The following SKAP2 variants were observed in gnomAD, a reference collection of about 807,000 sequenced individuals.
SKAP2 encodes src kinase-associated phosphoprotein 2.
SKAP2 carries 28 observed loss-of-function variants against 54.9 expected under a neutral mutation model. That is an observed-to-expected ratio of 0.51 (90% CI 0.38 to 0.70). The LOEUF (loss-of-function observed/expected upper bound fraction) is 0.70. SKAP2 is among the 30% of genes least tolerant of loss of function. The pLI, the probability that SKAP2 is intolerant of heterozygous loss-of-function variation, is 0.00. For missense variants in SKAP2, 356 were observed against 424.1 expected, an observed-to-expected ratio of 0.84 and a Z score of 1.41; for synonymous variants, 137 against 134.3, an observed-to-expected ratio of 1.02 and a Z score of -0.14.
At chr7:26,800,536 TTA>T (rs1783890996) in intron 4 of SKAP2, among the ~76,000 whole-genome samples, 3 of 149,118 alleles carry the variant, frequency 2.0e-5, no homozygotes, top group Non-Finnish European at 3.0e-5. Flanking sequence ...AATTGAAATT[TTA>T]AAAAAATACA....
intron 4 of SKAP2, among the ~76,000 whole-genome samples, chr7:26,794,429 G>A (rs1341411473): frequency 6.6e-6 from 1 of 152,238 alleles, no homozygotes; most frequent in Non-Finnish European, 1.5e-5. Context: ...TGTCTATAAG[G>A]AACATCTGAG....
intron 9 of SKAP2, among the ~76,000 whole-genome samples, chr7:26,691,664 C>G (rs1037808484): frequency 6.6e-6 from 1 of 152,112 alleles, no homozygotes; most frequent in Non-Finnish European, 1.5e-5. Context: ...CTAAACCTGA[C>G]AAGTGATGCA....
chr7:26,786,347 T>C (rs1340741852), intron 4 of SKAP2, among the ~76,000 whole-genome samples: 1 of 152,134 alleles, frequency 6.6e-6, no homozygotes, highest in Non-Finnish European at 1.5e-5. Context: ...TACATTCTAG[T>C]GAGGAGAAAC....
intron 4 of SKAP2, among the ~76,000 whole-genome samples, chr7:26,745,794 C>G (rs1782548346): frequency 6.6e-6 from 1 of 152,098 alleles, no homozygotes; most frequent in Middle Eastern, 3.2e-3. Flanking sequence ...GTATTATAGG[C>G]ATGAGCCACC....
intron 9 of SKAP2, among the ~76,000 whole-genome samples, chr7:26,724,776 A>C (rs1787662120): frequency 6.6e-6 from 1 of 152,160 alleles, no homozygotes; most frequent in Non-Finnish European, 1.5e-5. Context: ...ATTGATCCTC[A>C]TGGCCGCAAG....
intron 4 of SKAP2, among the ~76,000 whole-genome samples, chr7:26,749,896 G>A (rs1782644629): frequency 6.6e-6 from 1 of 151,302 alleles, no homozygotes; most frequent in Non-Finnish European, 1.5e-5. Context: ...TCAGTGGCAT[G>A]ATTACAAATA....
chr7:26,671,892 AT>A (rs1184068204), intron 11 of SKAP2, among the ~76,000 whole-genome samples: 1 of 151,992 alleles, frequency 6.6e-6, no homozygotes, highest in African/African-American at 2.4e-5. Context: ...ACCCTTTTCT[AT>A]TTTTAAGGCA....
chr7:26,758,453 A>T (rs1444416083), intron 4 of SKAP2, among the ~76,000 whole-genome samples: 1 of 152,184 alleles, frequency 6.6e-6, no homozygotes, highest in African/African-American at 2.4e-5. Flanking sequence ...CCCAATATAT[A>T]TGAAGGTACT....
At chr7:26,796,086 T>G (rs1783771876) in intron 4 of SKAP2, among the ~76,000 whole-genome samples, 1 of 152,222 alleles carries the variant, frequency 6.6e-6, no homozygotes, top group African/African-American at 2.4e-5. Flanking sequence ...ATTTTATCAT[T>G]TACCACCATA....
At chr7:26,862,779 T>C (rs1047674239) in intron 1 of SKAP2, among the ~76,000 whole-genome samples, 6 of 152,112 alleles carry the variant, frequency 3.9e-5, no homozygotes, top group African/African-American at 1.2e-4. Context: ...CAAACTGTAC[T>C]ATGGGAGGTA....
intron 9 of SKAP2, 39 bp downstream of exon 9, chr7:26,725,389 G>T: frequency 6.8e-7 from 1 of 1,479,680 alleles, no homozygotes; most frequent in Non-Finnish European, 9.4e-7. Flanking sequence ...CACACACACA[G>T]CCCTAAAATC....
intron 4 of SKAP2, among the ~76,000 whole-genome samples, chr7:26,839,819 G>A (rs1447586283): frequency 1.3e-5 from 2 of 151,906 alleles, no homozygotes; most frequent in African/African-American, 4.8e-5. Flanking sequence ...TTTATGTTGT[G>A]CACACGGACA....
chr7:26,795,272 GA>G (rs1783751500), intron 4 of SKAP2, among the ~76,000 whole-genome samples: 1 of 152,150 alleles, frequency 6.6e-6, no homozygotes, highest in South Asian at 2.1e-4. Flanking sequence ...GGAAGAATGT[GA>G]AAGATCCAGA....
At chr7:26,688,399 G>A (rs1037136877) in intron 10 of SKAP2, among the ~76,000 whole-genome samples, 2 of 152,152 alleles carry the variant, frequency 1.3e-5, no homozygotes, top group African/African-American at 4.8e-5. Context: ...AGAAAAGTCT[G>A]TGGTGGGGGG....
intron 4 of SKAP2, among the ~76,000 whole-genome samples, chr7:26,795,242 T>C (rs1783750395): frequency 1.3e-5 from 2 of 152,216 alleles, no homozygotes; most frequent in Non-Finnish European, 2.9e-5. Flanking sequence ...TAAACTTCAG[T>C]AGTTATATAC....
At chr7:26,786,280 T>C (rs1783542687) in intron 4 of SKAP2, among the ~76,000 whole-genome samples, 1 of 152,238 alleles carries the variant, frequency 6.6e-6, no homozygotes, top group African/African-American at 2.4e-5. Context: ...TCCGCCATTC[T>C]ACAATTAGGG....
At chr7:26,797,522 C>T (rs764535360) in intron 4 of SKAP2, among the ~76,000 whole-genome samples, 1 of 152,152 alleles carries the variant, frequency 6.6e-6, no homozygotes, top group African/African-American at 2.4e-5. Context: ...GCTTAGATCA[C>T]AACACTCAAG....
chr7:26,844,035 G>A lies in SKAP2; in HGVS notation c.302C>T (p.Ser101Phe). 1 of 1,594,196 alleles carries A rather than the reference G, an allele frequency of 6.3e-7. No individual in the cohort carries two copies. The highest frequency in any genetic ancestry group is 8.6e-7 in the Non-Finnish European group (1 of 1,162,218). The change falls in exon 4 of 13, where the codon TCT (serine) becomes TTT (phenylalanine). Residue 101 changes from serine (S) to phenylalanine (F), a missense_variant. Coordinates refer to ENST00000345317, the MANE Select transcript of SKAP2 (RefSeq NM_003930.5). ...CGTGGGAAAATGTCACATACCATCA[G>A]AGGGGGCTTCATCGTCTTTATCATA... ...ERYDKDDEAP[S>F]DGAQFPPIAA...
intron 4 of SKAP2, among the ~76,000 whole-genome samples, chr7:26,778,364 A>G (rs969152412): frequency 6.6e-6 from 1 of 152,070 alleles, no homozygotes; most frequent in African/African-American, 2.4e-5. Context: ...TAATTTATAT[A>G]AAGTACTTAG....
Sources: allele counts gnomAD v4.1 joint callset (sites outside exome capture counted in the v4.1 genomes callset), GRCh38; gene constraint gnomAD v4.1.1; transcripts MANE v1.5; gene names NCBI Gene and HGNC (gene_info 2026-07-23, HGNC 2026-07-21).